Variants in FAM171A1 observed in about 807,000 individuals in gnomAD.
FAM171A1 encodes family with sequence similarity 171 member A1.
In FAM171A1, 23 loss-of-function variants were observed where a neutral mutation model predicts 74.9. That is an observed-to-expected ratio of 0.31 (90% CI 0.22 to 0.44). The LOEUF (loss-of-function observed/expected upper bound fraction) is 0.44. FAM171A1 is among the 20% of genes least tolerant of loss of function. The pLI is 1.00. For synonymous variants in FAM171A1, 527 were observed against 505.7 expected, an observed-to-expected ratio of 1.04 and a Z score of -0.57; for missense variants, 1,162 against 1,159.2, an observed-to-expected ratio of 1.00 and a Z score of -0.03.
chr10:15,350,051 C>A (rs545654657), intron 1 of FAM171A1, among the ~76,000 whole-genome samples: 25 of 152,094 alleles, frequency 1.6e-4, no homozygotes, highest in African/African-American at 5.5e-4. Context: ...ATAGATCAGA[C>A]ACGGCACCCG....
chr10:15,319,429 ATTTT>A (rs201114209), intron 1 of FAM171A1, among the ~76,000 whole-genome samples: 4 of 151,872 alleles, frequency 2.6e-5, no homozygotes, highest in African/African-American at 7.3e-5. Flanking sequence ...TAGTCCAGGG[ATTTT>A]TTTTATTTTT....
At chr10:15,267,434 C>G (rs554287554) in intron 3 of FAM171A1, among the ~76,000 whole-genome samples, 4 of 151,992 alleles carry the variant, frequency 2.6e-5, no homozygotes, top group South Asian at 4.2e-4. Flanking sequence ...GAAACCACGT[C>G]TCTACTAAAA....
intron 1 of FAM171A1, among the ~76,000 whole-genome samples, chr10:15,312,712 T>TTTTTTTTTTTTC (rs1835378128): frequency 1.2e-5 from 1 of 85,638 alleles, no homozygotes; most frequent in African/African-American, 3.7e-5. Context: ...TTTTTTTTTT[T>TTTTTTTTTTTTC]TTGAGACGAT....
chr10:15,323,700 A>G (rs758613090), intron 1 of FAM171A1, among the ~76,000 whole-genome samples: 8 of 152,104 alleles, frequency 5.3e-5, no homozygotes, highest in Non-Finnish European at 8.8e-5. Context: ...CACTTCCACA[A>G]TCAGAACAGT....
At chr10:15,271,521 G>A (rs1190048380) in intron 3 of FAM171A1, among the ~76,000 whole-genome samples, 2 of 152,076 alleles carry the variant, frequency 1.3e-5, no homozygotes, top group Non-Finnish European at 2.9e-5. Context: ...TCAAATTCAG[G>A]AAAAACAGAA....
intron 1 of FAM171A1, among the ~76,000 whole-genome samples, chr10:15,334,601 G>A (rs926107425): frequency 1.3e-5 from 2 of 152,148 alleles, no homozygotes; most frequent in Non-Finnish European, 2.9e-5. Flanking sequence ...GACATCAATA[G>A]CTCCTAGAGC....
At chr10:15,289,098 A>G (rs1209057923) in intron 1 of FAM171A1, among the ~76,000 whole-genome samples, 3 of 152,186 alleles carry the variant, frequency 2.0e-5, no homozygotes, top group African/African-American at 7.2e-5. Context: ...CTGGGATTAC[A>G]GGTGTGAGCC....
At chr10:15,370,256 T>C (rs1836121402) in intron 1 of FAM171A1, among the ~76,000 whole-genome samples, 1 of 150,926 alleles carries the variant, frequency 6.6e-6, no homozygotes, top group Non-Finnish European at 1.5e-5. Flanking sequence ...TTTTTTTTTT[T>C]TTTTGGTGAG....
chr10:15,221,069 T>A lies in FAM171A1; in HGVS notation c.755-9A>T, dbSNP rs1321523809. On this transcript the variant is annotated splice_polypyrimidine_tract_variant and intron_variant, in intron 5 of 7. Transcript: ENST00000378116. ...GCTCTTCAGCCACGTTCCTGTGGAATTGAGAAAGAGATGTTAGCTACAAGC... is the reference window on the plus strand; with the variant it reads ...GCTCTTCAGCCACGTTCCTGTGGAAATGAGAAAGAGATGTTAGCTACAAGC... 1 of 1,612,354 alleles carries A rather than the reference T, an allele frequency of 6.2e-7. No individual in the cohort carries two copies. Among genetic ancestry groups the A allele is most frequent in the Non-Finnish European group, 8.5e-7 (1 of 1,178,678 alleles).
intron 3 of FAM171A1, among the ~76,000 whole-genome samples, chr10:15,264,408 T>A (rs1349446637): frequency 6.6e-6 from 1 of 152,214 alleles, no homozygotes; most frequent in African/African-American, 2.4e-5. Flanking sequence ...ATTTATTTTT[T>A]TCTCCTGAAT....
rs764629425 is a variant in FAM171A1 at position 15,214,366 on chromosome 10, C to T, written c.1222G>A (p.Gly408Arg). The change falls in exon 8 of 8, where the codon GGG (glycine) becomes AGG (arginine). Residue 408 changes from glycine to arginine, a missense_variant. Gly to Arg is a moderately radical substitution (Grantham distance 125, BLOSUM62 -2). Coordinates refer to ENST00000378116, the MANE Select transcript of FAM171A1 (RefSeq NM_001010924.2). ...HLEMMSPGGE[G>R]DLHTPMLKLS... ...TTGAGCATGGGGGTGTGCAGGTCCC[C>T]TTCGCCGCCCGGAGACATCATTTCC... The T allele has an allele frequency of 6.2e-7, 1 of 1,612,994 alleles. No individual in the cohort carries two copies. The highest frequency in any genetic ancestry group is 8.5e-7 in the Non-Finnish European group (1 of 1,179,344).
Position 15,269,294 on chromosome 10 carries a change from T to C in FAM171A1, c.418+6561A>G, listed in dbSNP as rs541538660. On this transcript the variant is annotated intron_variant, in intron 3 of 7. Coordinates refer to ENST00000378116, the MANE Select transcript of FAM171A1 (RefSeq NM_001010924.2). The stretch of plus-strand genomic sequence containing the variant: ...ATACACAGATTTTTTTTCATTTTTA[T>C]TTTTAGTAGAGATGGAGTCTTGCTT... 1.4e-4 allele frequency among the ~76,000 whole-genome samples: 21 copies of C among 151,800 alleles called. No individual in the cohort carries two copies. The South Asian group carries it at 4.4e-3, about 32-fold the overall frequency.
chr10:15,323,913 T>A (rs1340586605), intron 1 of FAM171A1, among the ~76,000 whole-genome samples: 8 of 151,824 alleles, frequency 5.3e-5, no homozygotes, highest in Non-Finnish European at 2.9e-5. Context: ...AGGAAAGACT[T>A]CCACTTTCAG....
intron 4 of FAM171A1, among the ~76,000 whole-genome samples, chr10:15,251,402 A>ATTT (rs1258921347): frequency 7.5e-6 from 1 of 132,488 alleles, no homozygotes. Context: ...TTCTGCAACG[A>ATTT]TTTTTTTTTT....
At chr10:15,276,305 C>G (rs565133315) in intron 2 of FAM171A1, among the ~76,000 whole-genome samples, 62 of 152,192 alleles carry the variant, frequency 4.1e-4, no homozygotes, top group Non-Finnish European at 4.0e-4. Context: ...CTCAGACTCC[C>G]GAGTAGCTGA....
chr10:15,329,746 A>T (rs2131857216), intron 1 of FAM171A1, among the ~76,000 whole-genome samples: 1 of 152,250 alleles, frequency 6.6e-6, no homozygotes, highest in East Asian at 1.9e-4. Flanking sequence ...TCATTTTCAG[A>T]TCACAAGGGG....
intron 6 of FAM171A1, among the ~76,000 whole-genome samples, chr10:15,220,080 G>A (rs1834018133): frequency 6.6e-6 from 1 of 152,106 alleles, no homozygotes; most frequent in Admixed American, 6.5e-5. Flanking sequence ...CTGCCTTCAT[G>A]GTTCATTTAC....
intron 3 of FAM171A1, among the ~76,000 whole-genome samples, chr10:15,273,831 A>G (rs1834858848): frequency 6.6e-6 from 1 of 152,228 alleles, no homozygotes; most frequent in Non-Finnish European, 1.5e-5. Flanking sequence ...ACAAAATTCA[A>G]CAGCCCTTCA....
intron 1 of FAM171A1, among the ~76,000 whole-genome samples, chr10:15,312,673 G>GTTTTTTTTTTTTTTT (rs1169098742): frequency 5.5e-5 from 2 of 36,402 alleles, no homozygotes; most frequent in African/African-American, 1.2e-4. Context: ...AGCACTGTGT[G>GTTTTTTTTTTTTTTT]TTTTTTTTTT....
Sources: allele counts gnomAD v4.1 joint callset (sites outside exome capture counted in the v4.1 genomes callset), GRCh38; gene constraint gnomAD v4.1.1; transcripts MANE v1.5; gene names NCBI Gene and HGNC (gene_info 2026-07-23, HGNC 2026-07-21).